SEC24D: variants seen among roughly 807,000 people sequenced by gnomAD.
SEC24D encodes the protein SEC24 homolog D, COPII component.
SEC24D carries 69 observed loss-of-function variants against 116.9 expected under a neutral mutation model. The ratio of observed to expected loss-of-function variants is 0.59; its 90% CI spans 0.49 to 0.72. The LOEUF is 0.72. SEC24D is among the 30% of genes least tolerant of loss of function. The pLI, the probability that SEC24D is intolerant of heterozygous loss-of-function variation, is 0.00. For missense variants in SEC24D, 1,131 were observed against 1,264.1 expected, an observed-to-expected ratio of 0.89 and a Z score of 1.60; for synonymous variants, 405 against 442.8, an observed-to-expected ratio of 0.91 and a Z score of 1.07.
At chr4:118,780,785 T>C (rs1469448576) in intron 8 of SEC24D, among the ~76,000 whole-genome samples, 1 of 152,194 alleles carries the variant, frequency 6.6e-6, no homozygotes, top group Admixed American at 6.5e-5. Context: ...GATGCATATA[T>C]ATTTAGGATA....
intron 8 of SEC24D, among the ~76,000 whole-genome samples, chr4:118,789,466 G>T (rs1578436827): frequency 6.6e-6 from 1 of 152,232 alleles, no homozygotes; most frequent in Non-Finnish European, 1.5e-5. Flanking sequence ...TCCATTAATC[G>T]GTTCCTTGAC....
At chr4:118,805,698 C>T (rs923223612) in intron 7 of SEC24D, 145 bp downstream of exon 7, 6 of 538,330 alleles carry the variant, frequency 1.1e-5, no homozygotes, top group Non-Finnish European at 1.9e-5. Flanking sequence ...CCTCTTGGTA[C>T]TTGAGGGATT....
rs115118317 is a variant in SEC24D at position 118,815,458 on chromosome 4, C to A, written c.666G>T (p.Pro222=). ...GCACCCTGTCCGCCTTACCCTGCTG[C>A]GGAGGATATCCAGCACCCAAGGTCT... ...PGQTLGAGYP[P]QQANSGPQMA... The change falls in exon 5 of 23, where the codon CCG becomes CCT. Residue 222 remains proline, a synonymous_variant. Coordinates refer to ENST00000280551, the MANE Select transcript of SEC24D (RefSeq NM_014822.4). 1 of 1,613,872 alleles carries A rather than the reference C, an allele frequency of 6.2e-7. No individual in the cohort carries two copies. Among genetic ancestry groups the A allele is most frequent in the East Asian group, 2.2e-5 (1 of 44,884 alleles).
At chr4:118,816,218 C>G (rs962311073) in intron 4 of SEC24D, among the ~76,000 whole-genome samples, 1 of 151,604 alleles carries the variant, frequency 6.6e-6, no homozygotes, top group African/African-American at 2.4e-5. Flanking sequence ...TGTGAGCCAC[C>G]ATGCCTGGCC....
chr4:118,822,680 T>C (rs1730447891), intron 3 of SEC24D, among the ~76,000 whole-genome samples: 1 of 152,030 alleles, frequency 6.6e-6, no homozygotes, highest in Non-Finnish European at 1.5e-5. Flanking sequence ...CAAGCAATCC[T>C]CCCACCTCAG....
At chr4:118,779,910 C>T (rs1383561964) in intron 8 of SEC24D, among the ~76,000 whole-genome samples, 1 of 152,042 alleles carries the variant, frequency 6.6e-6, no homozygotes, top group African/African-American at 2.4e-5. Flanking sequence ...TATAGTATTC[C>T]TGATGGTAGT....
rs1256155932 is a variant in SEC24D at position 118,824,540 on chromosome 4, T to C, written c.248+80A>G. ...ATCAAAACGTCAAACTTTCAACCAA[T>C]AAACATACAAGCTTAGAAGGTATTT... On this transcript the variant is annotated intron_variant, in intron 3 of 22. Transcript: ENST00000280551. 4 of 1,465,136 alleles carry C rather than the reference T, an allele frequency of 2.7e-6. No homozygotes were observed. The African/African-American group carries it at 4.3e-5, about 16-fold the overall frequency. The allele number at this position is 1,465,136 out of a possible 1,614,324, so 90.8% of individuals were successfully genotyped here.
rs781682282 is a variant in SEC24D, at chr4:118,739,251, T to G, written c.2275A>C (p.Arg759=). 60 of 1,613,612 alleles carry G rather than the reference T, an allele frequency of 3.7e-5. No individual in the cohort carries two copies. Among genetic ancestry groups the G allele is most frequent in the Middle Eastern group, 1.6e-4 (1 of 6,076 alleles). ...AAGCCAAGATTGTGAATCCGAAGTCTTCTTTGACCACTGATTGTCGTGTAA... is the reference window on the plus strand; with the variant it reads ...AAGCCAAGATTGTGAATCCGAAGTCGTCTTTGACCACTGATTGTCGTGTAA... ...VLYTTISGQR[R]LRIHNLGLNC... is the part of the protein sequence containing the mutation. The change falls in exon 18 of 23, where the codon AGA becomes CGA. Residue 759 remains arginine, a synonymous_variant. Transcript: ENST00000280551.
intron 3 of SEC24D, among the ~76,000 whole-genome samples, chr4:118,823,227 T>C (rs1730468279): frequency 6.6e-6 from 1 of 152,184 alleles, no homozygotes. Flanking sequence ...GCTCCAAGCT[T>C]AAACCACAAT....
rs1731085757 is a variant in SEC24D at position 118,836,072 on chromosome 4, T to A, written c.-173A>T. 1 of 152,248 alleles carries A rather than the reference T, an allele frequency of 6.6e-6. No homozygotes were observed. The allele number at this position is 152,248 out of a possible 1,614,324, so 9.4% of individuals were successfully genotyped here. On this transcript the variant is annotated 5_prime_UTR_variant, in exon 1 of 23. It adds an upstream start codon to the 5' untranslated region. Transcript: ENST00000280551. ...CGCCTCTTCCCCGGCCGGCGTCCCCTTAGCCTGGACTCACGCTCGGAGTTG... is the reference window on the plus strand; with the variant it reads ...CGCCTCTTCCCCGGCCGGCGTCCCCATAGCCTGGACTCACGCTCGGAGTTG...
rs2389688 is a variant in SEC24D at position 118,815,641 on chromosome 4, A to C, written c.483T>G (p.Pro161=). The change falls in exon 5 of 23, where the codon CCT becomes CCG. Residue 161 remains proline, a synonymous_variant. Transcript: ENST00000280551. ...CTTGAGATCCAGGCTGCAAAATGGAAGGCTGTGGAGGTCGTGGAGGAGTCT... is the reference window on the plus strand; with the variant it reads ...CTTGAGATCCAGGCTGCAAAATGGACGGCTGTGGAGGTCGTGGAGGAGTCT... ...SLQTPPRPPQ[P]SILQPGSQVL... The C allele has an allele frequency of 0.45, 723,768 of 1,613,738 alleles. 165,004 individuals carry two copies. Among genetic ancestry groups the C allele is most frequent in the Admixed American group, 0.59 (35,133 of 60,008 alleles).
At chr4:118,814,361 T>C (rs1322756445) in intron 6 of SEC24D, among the ~76,000 whole-genome samples, 1 of 152,216 alleles carries the variant, frequency 6.6e-6, no homozygotes, top group Non-Finnish European at 1.5e-5. Flanking sequence ...CTCTTCACGC[T>C]GGATTTTGGA....
At position 118,724,275 on chromosome 4, in the gene SEC24D, C is replaced by T. The variant is rs767596841; in HGVS notation, c.2959-620G>A. Among the ~76,000 whole-genome samples, 4 of 152,158 alleles carry T rather than the reference C, an allele frequency of 2.6e-5. No homozygotes were observed. The East Asian group carries it at 5.8e-4, about 22-fold the overall frequency. On this transcript the variant is annotated intron_variant, in intron 22 of 22. Transcript: ENST00000280551. Reference sequence around the variant, plus strand: ...ATTGGAGAGATGCTAGAGAGGTTAACACACAGGGAAAACAGGGAGAACTCC... The same window carrying T: ...ATTGGAGAGATGCTAGAGAGGTTAATACACAGGGAAAACAGGGAGAACTCC...
chr4:118,762,068 T>C (rs1198050032), intron 10 of SEC24D, among the ~76,000 whole-genome samples: 1 of 152,000 alleles, frequency 6.6e-6, no homozygotes, highest in African/African-American at 2.4e-5. Context: ...TCAAAGTGAA[T>C]TAAAATTAAG....
intron 19 of SEC24D, among the ~76,000 whole-genome samples, chr4:118,733,531 T>C (rs1725804351): frequency 6.6e-6 from 1 of 152,328 alleles, no homozygotes; most frequent in Middle Eastern, 3.4e-3. Flanking sequence ...TGTCATAGGT[T>C]CTGTGCAAAG....
intron 10 of SEC24D, among the ~76,000 whole-genome samples, chr4:118,763,043 A>G (rs895548535): frequency 2.0e-5 from 3 of 152,212 alleles, no homozygotes; most frequent in Non-Finnish European, 4.4e-5. Context: ...ATTAGTTACA[A>G]TGGCTTTCTT....
chr4:118,786,775 T>A (rs1229223015), intron 8 of SEC24D, among the ~76,000 whole-genome samples: 1 of 152,210 alleles, frequency 6.6e-6, no homozygotes, highest in Non-Finnish European at 1.5e-5. Flanking sequence ...CAAGAAAGGC[T>A]GATTTGGGTC....
chr4:118,743,555 G>A (rs1726343146), intron 15 of SEC24D, among the ~76,000 whole-genome samples: 1 of 152,050 alleles, frequency 6.6e-6, no homozygotes, highest in Non-Finnish European at 1.5e-5. Flanking sequence ...GTAGAGACAG[G>A]GTCTTGCTAT....
chr4:118,747,008 CAT>C (rs977972555), intron 13 of SEC24D, among the ~76,000 whole-genome samples: 8 of 152,106 alleles, frequency 5.3e-5, no homozygotes, highest in Admixed American at 5.2e-4. Context: ...CTTATTGTTG[CAT>C]ATGTCTTCCA....
Sources: gnomAD v4.1 joint callset for allele counts (sites outside exome capture counted in the v4.1 genomes callset) on GRCh38, gnomAD v4.1.1 for gene constraint, MANE v1.5 for transcripts, NCBI Gene and HGNC (gene_info 2026-07-23, HGNC 2026-07-21) for gene names.